Variants in DCC observed in about 807,000 individuals in gnomAD.
DCC encodes the protein DCC netrin 1 receptor, also known as netrin receptor DCC.
In DCC, 58 loss-of-function variants were observed where a neutral mutation model predicts 172.5. The observed-to-expected ratio is 0.34, with a 90% CI of 0.27 to 0.42. The LOEUF (loss-of-function observed/expected upper bound fraction) is 0.42. Ranked by LOEUF, DCC falls within the 10% of genes least tolerant of loss-of-function variation. The probability of loss-of-function intolerance (pLI) is 1.00; values close to 1 mark genes in which losing one functional copy is unlikely to be tolerated. For synonymous variants in DCC, 709 were observed against 644.5 expected (o/e 1.10, Z -1.52); for missense variants, 1,740 against 1,791.0 (o/e 0.97, Z 0.51).
chr18:52,802,768 A>T (rs1415886279), intron 2 of DCC, among the ~76,000 whole-genome samples: 1 of 145,592 alleles, frequency 6.9e-6, no homozygotes, highest in East Asian at 2.1e-4. Context: ...AGCCTCCCAA[A>T]GTGTAAGGAT....
At chr18:52,391,427 A>G (rs1986026764) in intron 1 of DCC, among the ~76,000 whole-genome samples, 2 of 152,142 alleles carry the variant, frequency 1.3e-5, no homozygotes, top group African/African-American at 4.8e-5. Context: ...TCTAACTGAA[A>G]TATATAGTTT....
chr18:52,840,760 C>G (rs2038790342), intron 2 of DCC, among the ~76,000 whole-genome samples: 1 of 152,092 alleles, frequency 6.6e-6, no homozygotes, highest in African/African-American at 2.4e-5. Flanking sequence ...TTATTTAAAC[C>G]ATGAACATCA....
In DCC at chr18:52,976,840, T is replaced by C. The variant is rs537258998; in HGVS notation, c.985+51470T>C. On this transcript the variant is annotated intron_variant, in intron 5 of 28. Transcript: ENST00000442544. The stretch of plus-strand genomic sequence containing the variant: ...CTTACATATGCAAACACAGAGAGCT[T>C]ACCTCTGCATCTATTTGTGAAGGGT... Among the ~76,000 whole-genome samples, 5 of 152,338 alleles carry C rather than the reference T, an allele frequency of 3.3e-5. No homozygotes were observed. In the South Asian group the frequency reaches 8.3e-4, roughly 25 times the overall value.
chr18:52,881,031 G>A (rs116694495), intron 2 of DCC, among the ~76,000 whole-genome samples: 1 of 152,002 alleles, frequency 6.6e-6, no homozygotes, highest in Non-Finnish European at 1.5e-5. Context: ...TTTATTACCT[G>A]TCTTTGGGAT....
intron 2 of DCC, among the ~76,000 whole-genome samples, chr18:52,853,290 A>G (rs987131949): frequency 1.1e-4 from 17 of 152,202 alleles, no homozygotes; most frequent in Admixed American, 2.0e-4. Context: ...GCCATTTCAA[A>G]TGAAGAAGTG....
chr18:52,836,902 A>G (rs1300698611), intron 2 of DCC, among the ~76,000 whole-genome samples: 1 of 152,218 alleles, frequency 6.6e-6, no homozygotes, highest in Non-Finnish European at 1.5e-5. Context: ...CTGCCTTTGC[A>G]GGAAACTTCT....
chr18:53,086,991 C>T (rs936820720), intron 7 of DCC, among the ~76,000 whole-genome samples: 1 of 151,690 alleles, frequency 6.6e-6, no homozygotes, highest in Non-Finnish European at 1.5e-5. Context: ...TTTCTTAATC[C>T]AGTCTATCAT....
intron 7 of DCC, among the ~76,000 whole-genome samples, chr18:53,107,796 G>C (rs1239531948): frequency 6.6e-6 from 1 of 151,864 alleles, no homozygotes; most frequent in East Asian, 1.9e-4. Context: ...GCTAGACTTA[G>C]AGGACAATAA....
intron 7 of DCC, among the ~76,000 whole-genome samples, chr18:53,082,854 A>G (rs143951648): frequency 1.8e-4 from 28 of 152,028 alleles, no homozygotes; most frequent in African/African-American, 6.5e-4. Flanking sequence ...ATTAATATCT[A>G]TCTCCTATGT....
intron 15 of DCC, among the ~76,000 whole-genome samples, chr18:53,349,285 C>A (rs934339549): frequency 6.6e-6 from 1 of 152,184 alleles, no homozygotes; most frequent in South Asian, 2.1e-4. Flanking sequence ...CAGTTCCCAA[C>A]AAGTTCCTCA....
chr18:52,387,557 G>GGCTGTTTT (rs1985850060), intron 1 of DCC, among the ~76,000 whole-genome samples: 1 of 143,600 alleles, frequency 7.0e-6, no homozygotes, highest in Non-Finnish European at 1.5e-5. Flanking sequence ...GGCAAAGCCA[G>GGCTGTTTT]GCTGTTTTGT....
chr18:52,555,560 A>G (rs138745548), intron 1 of DCC, among the ~76,000 whole-genome samples: 2 of 152,240 alleles, frequency 1.3e-5, no homozygotes, highest in Admixed American at 6.5e-5. Flanking sequence ...TTGCACATCT[A>G]TATTTCTACA....
At chr18:52,642,893 G>A (rs2034937748) in intron 1 of DCC, among the ~76,000 whole-genome samples, 1 of 152,076 alleles carries the variant, frequency 6.6e-6, no homozygotes, top group African/African-American at 2.4e-5. Context: ...TGAACTCCTG[G>A]TCTCAAGCCT....
At chr18:53,192,138 T>C (rs139279128) in intron 9 of DCC, among the ~76,000 whole-genome samples, 1 of 152,340 alleles carries the variant, frequency 6.6e-6, no homozygotes, top group East Asian at 1.9e-4. Flanking sequence ...ACAGGAAAAC[T>C]AGGTTTTCTG....
chr18:53,176,207 C>T (rs1454048104), intron 8 of DCC, among the ~76,000 whole-genome samples: 10 of 132,166 alleles, frequency 7.6e-5, no homozygotes, highest in South Asian at 5.5e-4. Context: ...AAATGTTAGA[C>T]CTAAAACCAT....
intron 1 of DCC, among the ~76,000 whole-genome samples, chr18:52,384,858 A>G (rs1568143773): frequency 1.3e-5 from 2 of 152,164 alleles, no homozygotes; most frequent in African/African-American, 2.4e-5. Flanking sequence ...TCCCCAAGGA[A>G]AAGAGTCCAT....
In DCC at chr18:53,526,611, T is replaced by C; in HGVS notation, c.4112-6T>C. ...ATTACTTTCATCACTGTGTTTTCTATTTCAGGGCCCACTCTTCCTAAGACC... is the reference window on the plus strand; with the variant it reads ...ATTACTTTCATCACTGTGTTTTCTACTTCAGGGCCCACTCTTCCTAAGACC... On this transcript the variant is annotated splice_region_variant and splice_polypyrimidine_tract_variant and intron_variant, in intron 27 of 28. Transcript: ENST00000442544. 6.2e-7 allele frequency: 1 copy of C among 1,613,318 alleles called. No homozygotes were observed. Among genetic ancestry groups the C allele is most frequent in the Admixed American group, 1.7e-5 (1 of 59,920 alleles).
At chr18:53,420,407 T>C (rs1385328061) in intron 21 of DCC, among the ~76,000 whole-genome samples, 2 of 152,186 alleles carry the variant, frequency 1.3e-5, no homozygotes, top group African/African-American at 4.8e-5. Flanking sequence ...CACTTCTTTA[T>C]TTCAGGAAAC....
chr18:53,277,230 G>T (rs2056816265), intron 12 of DCC, among the ~76,000 whole-genome samples: 2 of 152,130 alleles, frequency 1.3e-5, no homozygotes, highest in African/African-American at 4.8e-5. Context: ...AGCACTTTGG[G>T]AGGCCAAGGC....
Sources: allele counts gnomAD v4.1 joint callset (sites outside exome capture counted in the v4.1 genomes callset), GRCh38; gene constraint gnomAD v4.1.1; transcripts MANE v1.5; gene names NCBI Gene and HGNC (gene_info 2026-07-23, HGNC 2026-07-21).